Variants in NUDT21 observed in about 807,000 individuals in gnomAD.
The protein encoded by NUDT21 is nudix hydrolase 21, also known as cleavage and polyadenylation specificity factor subunit 5.
A neutral mutation model predicts 29.8 loss-of-function variants in NUDT21; 5 were observed. The ratio of observed to expected loss-of-function variants is 0.17; its 90% CI spans 0.09 to 0.35. NUDT21 has a LOEUF of 0.35. Among genes scored for constraint, NUDT21 ranks in the 10% least tolerant of loss-of-function variants. The pLI, the probability that NUDT21 is intolerant of heterozygous loss-of-function variation, is 1.00. For missense variants in NUDT21, 76 were observed against 276.0 expected (o/e 0.28, Z 5.13); for synonymous variants, 113 against 98.5 (o/e 1.15, Z -0.87).
chr16:56,444,630 A>C (rs1325969456), intron 3 of NUDT21, among the ~76,000 whole-genome samples: 4 of 152,002 alleles, frequency 2.6e-5, no homozygotes, highest in East Asian at 1.9e-4. Context: ...CAAAAAAAAA[A>C]AAAAACAAGC....
intron 1 of NUDT21, among the ~76,000 whole-genome samples, chr16:56,450,168 G>A (rs937616833): frequency 2.0e-5 from 3 of 152,016 alleles, no homozygotes; most frequent in African/African-American, 4.8e-5. Context: ...GGCATAAACT[G>A]GCCACTTTCC....
chr16:56,441,201 A>G (rs1962155715), intron 3 of NUDT21, among the ~76,000 whole-genome samples: 1 of 151,760 alleles, frequency 6.6e-6, no homozygotes, highest in South Asian at 2.1e-4. Flanking sequence ...GCCCAGCCAA[A>G]ATATTCTTTT....
chr16:56,443,162 G>A (rs1173458232), intron 3 of NUDT21, among the ~76,000 whole-genome samples: 1 of 151,972 alleles, frequency 6.6e-6, no homozygotes, highest in Non-Finnish European at 1.5e-5. Context: ...ATGAGTGATA[G>A]GACTACAATA....
In NUDT21 at chr16:56,441,362, G is replaced by A. The variant is rs531535036; in HGVS notation, c.382-1616C>T. ...AGCGACTCCCCTGCCTCAGCCTCCC[G>A]AGTAGCTGGGACCACAGGTGCCCGC... On this transcript the variant is annotated intron_variant, in intron 3 of 6. Coordinates refer to ENST00000300291, the MANE Select transcript of NUDT21 (RefSeq NM_007006.3). Among the ~76,000 whole-genome samples, 15 of 152,066 alleles carry A rather than the reference G, an allele frequency of 9.9e-5. No individual in the cohort carries two copies. The South Asian group carries it at 1.2e-3, about 13-fold the overall frequency.
intron 3 of NUDT21, among the ~76,000 whole-genome samples, chr16:56,443,634 T>G (rs1218000069): frequency 6.6e-6 from 1 of 152,148 alleles, no homozygotes; most frequent in East Asian, 1.9e-4. Context: ...CCTTCATGAA[T>G]AGTTTAATAC....
At chr16:56,434,883 T>A in intron 4 of NUDT21, 54 bp from the exon 5 acceptor site, 1 of 1,044,466 alleles carries the variant, frequency 9.6e-7, no homozygotes, top group Non-Finnish European at 1.5e-6. Flanking sequence ...TTCATTTCTT[T>A]ACATGTTTAC....
chr16:56,446,871 C>A, intron 2 of NUDT21, 182 bp from the exon 3 acceptor site: 1 of 493,772 alleles, frequency 2.0e-6, no homozygotes. Flanking sequence ...CCCAGACTAA[C>A]AGTATACAAA....
At chr16:56,435,942 C>G (rs193079373) in intron 4 of NUDT21, among the ~76,000 whole-genome samples, 1 of 146,278 alleles carries the variant, frequency 6.8e-6, no homozygotes, top group Admixed American at 6.8e-5. Context: ...TCAGGAATAC[C>G]AGAAGAGCAG....
Position 56,432,628 on chromosome 16 carries a change from T to A in NUDT21, c.*84A>T. The A allele has an allele frequency of 7.9e-7, 1 of 1,272,070 alleles. No homozygotes were observed. The highest frequency in any genetic ancestry group is 2.4e-5 in the East Asian group (1 of 41,102). The allele number at this position is 1,272,070 out of a possible 1,614,324, so 78.8% of individuals were successfully genotyped here. On this transcript the variant is annotated 3_prime_UTR_variant, in exon 7 of 7. Transcript: ENST00000300291. The stretch of plus-strand genomic sequence containing the variant: ...GCAAAAGAGATAAAACCAAAAAAAC[T>A]TTTCTACCACATTTATTCTACACTG...
intron 4 of NUDT21, among the ~76,000 whole-genome samples, chr16:56,435,423 GT>G (rs1424993286): frequency 6.7e-6 from 1 of 150,328 alleles, no homozygotes; most frequent in African/African-American, 2.4e-5. Flanking sequence ...CTAAAAGCTG[GT>G]TTTTTAAAAA....
intron 3 of NUDT21, among the ~76,000 whole-genome samples, chr16:56,441,750 G>A (rs961634495): frequency 2.6e-5 from 4 of 152,148 alleles, no homozygotes; most frequent in Non-Finnish European, 4.4e-5. Flanking sequence ...CTCCTTACTT[G>A]TTCAACTGTC....
Position 56,441,448 on chromosome 16 carries a change from T to C in NUDT21, c.382-1702A>G, listed in dbSNP as rs532185671. Among the ~76,000 whole-genome samples the C allele has an allele frequency of 5.9e-5, 9 of 152,060 alleles. No individual in the cohort carries two copies. The East Asian group carries it at 9.8e-4, about 16-fold the overall frequency. ...CAGGGTTTCACCATGTTGGCCAGGA[T>C]GGTCTCGATCTTTTGACCTTGTGAT... On this transcript the variant is annotated intron_variant, in intron 3 of 6. Transcript: ENST00000300291.
chr16:56,434,692 G>A (rs1181669129), intron 5 of NUDT21, 62 bp downstream of exon 5: 20 of 1,059,744 alleles, frequency 1.9e-5, no homozygotes, highest in South Asian at 1.5e-4. Context: ...ACAAATAGAG[G>A]TATCCTTGAA....
intron 1 of NUDT21, among the ~76,000 whole-genome samples, chr16:56,450,081 A>C (rs974590253): frequency 6.6e-6 from 1 of 152,204 alleles, no homozygotes; most frequent in Non-Finnish European, 1.5e-5. Flanking sequence ...CGTTTATTTT[A>C]ATATGAAACA....
intron 3 of NUDT21, among the ~76,000 whole-genome samples, chr16:56,445,932 G>A (rs556797175): frequency 5.9e-5 from 9 of 152,230 alleles, no homozygotes; most frequent in Admixed American, 2.0e-4. Context: ...GGAGAATTAC[G>A]GGTGACTTTA....
At chr16:56,445,762 T>G (rs921985142) in intron 3 of NUDT21, among the ~76,000 whole-genome samples, 4 of 152,214 alleles carry the variant, frequency 2.6e-5, no homozygotes, top group African/African-American at 9.7e-5. Context: ...TCCAAAAATT[T>G]TGCTTTTGTG....
At chr16:56,439,445 G>A (rs1193091974) in intron 4 of NUDT21, 2 of 498,358 alleles carry the variant, frequency 4.0e-6, no homozygotes, top group South Asian at 4.3e-5. Flanking sequence ...TGAAGTGCTG[G>A]GATTACAGGC....
chr16:56,451,262 G>T lies in NUDT21; in HGVS notation c.-60C>A. ...GTGGCAGGCAGGGTAGACTTTCCCCGTGCGGGAAGCGGTTATCTGCAATCC... is the reference window on the plus strand; with the variant it reads ...GTGGCAGGCAGGGTAGACTTTCCCCTTGCGGGAAGCGGTTATCTGCAATCC... On this transcript the variant is annotated 5_prime_UTR_variant, in exon 1 of 7. Transcript: ENST00000300291. 5.3e-6 allele frequency: 7 copies of T among 1,318,398 alleles called. No homozygotes were observed. The highest frequency in any genetic ancestry group is 1.3e-5 in the South Asian group (1 of 76,830). The allele number at this position is 1,318,398 out of a possible 1,614,324, so 81.7% of individuals were successfully genotyped here.
At chr16:56,445,198 A>AG (rs1406653115) in intron 3 of NUDT21, among the ~76,000 whole-genome samples, 2 of 152,192 alleles carry the variant, frequency 1.3e-5, no homozygotes, top group Non-Finnish European at 2.9e-5. Context: ...AAAAAAAAAA[A>AG]GGAAATGCTC....
Sources: gnomAD v4.1 joint callset for allele counts (sites outside exome capture counted in the v4.1 genomes callset) on GRCh38, gnomAD v4.1.1 for gene constraint, MANE v1.5 for transcripts, NCBI Gene and HGNC (gene_info 2026-07-23, HGNC 2026-07-21) for gene names.